Variants in HPCAL1 observed in about 807,000 individuals in gnomAD.
The protein encoded by HPCAL1 is hippocalcin-like protein 1.
Under a neutral mutation model 17.1 loss-of-function variants are expected in HPCAL1, and 8 were observed. The observed-to-expected ratio is 0.47, with a 90% CI of 0.27 to 0.84. The LOEUF (loss-of-function observed/expected upper bound fraction) is 0.84. Ranked by LOEUF, HPCAL1 falls within the 40% of genes least tolerant of loss-of-function variation. The pLI, the probability that HPCAL1 is intolerant of heterozygous loss-of-function variation, is 0.13. For synonymous variants in HPCAL1, 112 were observed against 111.4 expected (o/e 1.01, Z -0.03); for missense variants, 165 against 271.1 (o/e 0.61, Z 2.75).
chr2:10,334,771 C>T (rs922567546), intron 1 of HPCAL1, among the ~76,000 whole-genome samples: 1 of 151,216 alleles, frequency 6.6e-6, no homozygotes, highest in Admixed American at 6.6e-5. Flanking sequence ...TTGCAACTTC[C>T]ACCTCCCAGG....
chr2:10,344,251 T>C lies in HPCAL1; in HGVS notation c.-111+41074T>C, dbSNP rs1665268148. On this transcript the variant is annotated intron_variant, in intron 1 of 4. Transcript: ENST00000307845. The surrounding 1 kb of genome is among the most constrained non-coding windows in gnomAD (Gnocchi z 4.9). ...TGCTTGCTTTCCCCATAGGCATCAC[T>C]TCGACCAGCGTCTGTGTGGGGTGTG... 6.6e-6 allele frequency among the ~76,000 whole-genome samples: 1 copy of C among 152,128 alleles called. No individual in the cohort carries two copies. The highest frequency in any genetic ancestry group is 2.1e-4 in the South Asian group (1 of 4,824).
rs141933081 is a variant in HPCAL1 at position 10,390,584 on chromosome 2, C to T, written c.-110-6251C>T. Among the ~76,000 whole-genome samples, 604 of 152,190 alleles carry T rather than the reference C, an allele frequency of 4.0e-3. 10 individuals are homozygous for T. Among genetic ancestry groups the T allele is most frequent in the East Asian group, 0.036 (188 of 5,178 alleles). On this transcript the variant is annotated intron_variant, in intron 1 of 4. Coordinates refer to ENST00000307845, the MANE Select transcript of HPCAL1 (RefSeq NM_002149.4). Reference sequence around the variant, plus strand: ...TTCCTAATATATTAAAATAATTTGTCATCTCTTGAGCACACATCTGCCTGC... The same window carrying T: ...TTCCTAATATATTAAAATAATTTGTTATCTCTTGAGCACACATCTGCCTGC...
chr2:10,419,876 C>A lies in HPCAL1; in HGVS notation c.119C>A (p.Thr40Asn). The A allele has an allele frequency of 6.2e-7, 1 of 1,613,904 alleles. No individual in the cohort carries two copies. The highest frequency in any genetic ancestry group is 1.7e-5 in the Admixed American group (1 of 60,032). The change falls in exon 3 of 5, where the codon ACC (threonine) becomes AAC (asparagine). Residue 40 changes from threonine (T) to asparagine (N), a missense_variant. Thr to Asn is a moderately conservative substitution (Grantham distance 65, BLOSUM62 0). Transcript: ENST00000307845. This position sits in a 1 kb window ranked among gnomAD's most constrained non-coding sequence, Gnocchi z 5.0. ...AAGGGCTTCCTCAAGGACTGCCCCA[C>A]CGGCCACCTGACCGTGGACGAGTTC... is the stretch of plus-strand genomic sequence containing the variant. ...WYKGFLKDCP[T>N]GHLTVDEFKK...
intron 1 of HPCAL1, among the ~76,000 whole-genome samples, chr2:10,381,612 T>C (rs1667945497): frequency 9.3e-6 from 1 of 107,302 alleles, no homozygotes; most frequent in South Asian, 2.8e-4. Context: ...TCATGTCATT[T>C]GGGATCCCTG....
chr2:10,398,630 C>T (rs899693451), intron 2 of HPCAL1, among the ~76,000 whole-genome samples: 7 of 152,138 alleles, frequency 4.6e-5, no homozygotes, highest in Admixed American at 1.3e-4. Flanking sequence ...CACCAACGCA[C>T]GCACGTGGTG....
At position 10,304,448 on chromosome 2, in the gene HPCAL1, C is replaced by T. The variant is rs566661951; in HGVS notation, c.-111+1271C>T. Among the ~76,000 whole-genome samples the T allele has an allele frequency of 3.8e-4, 58 of 151,322 alleles. No homozygotes were observed. In the South Asian group the frequency reaches 0.011, roughly 30 times the overall value. On this transcript the variant is annotated intron_variant, in intron 1 of 4. Transcript: ENST00000307845. This position sits in a 1 kb window ranked among gnomAD's most constrained non-coding sequence, Gnocchi z 4.1. ...ACCAGAGGAGGATGTTTGCCAGGGA[C>T]GCCGAGTCCAGCTGCTGGCCTCGGC...
At chr2:10,370,247 C>T (rs1402161288) in intron 1 of HPCAL1, among the ~76,000 whole-genome samples, 1 of 152,260 alleles carries the variant, frequency 6.6e-6, no homozygotes, top group East Asian at 1.9e-4. Flanking sequence ...GAATTCCCGT[C>T]AGTCGTGGAG....
intron 3 of HPCAL1, 73 bp downstream of exon 3, chr2:10,420,208 G>GCT: frequency 1.4e-6 from 1 of 734,156 alleles, no homozygotes; most frequent in Non-Finnish European, 1.8e-6. Context: ...CCAGCCCAGG[G>GCT]CTTTTTTTTT....
At chr2:10,371,225 G>T (rs556409915) in intron 1 of HPCAL1, among the ~76,000 whole-genome samples, 1 of 152,322 alleles carries the variant, frequency 6.6e-6, no homozygotes, top group South Asian at 2.1e-4. Flanking sequence ...GGCCACCGGG[G>T]TTGGAGGGGA....
intron 1 of HPCAL1, among the ~76,000 whole-genome samples, chr2:10,357,179 T>C (rs906931402): frequency 3.9e-5 from 6 of 152,164 alleles, no homozygotes; most frequent in African/African-American, 1.4e-4. Flanking sequence ...TCAGGGCCTG[T>C]GCTCTCCTTT....
rs1662879930 is a variant in HPCAL1, at chr2:10,310,373, C to T, written c.-111+7196C>T. Among the ~76,000 whole-genome samples the T allele has an allele frequency of 6.6e-6, 1 of 152,188 alleles. No homozygotes were observed. Among genetic ancestry groups the T allele is most frequent in the Non-Finnish European group, 1.5e-5 (1 of 68,030 alleles). ...AGCATTCTTGGATCTAGTGCCTCCT[C>T]TGCCACTGAGTACAGAATTCCTTTT... is the stretch of plus-strand genomic sequence containing the variant. On this transcript the variant is annotated intron_variant, in intron 1 of 4. Transcript: ENST00000307845. This position sits in a 1 kb window ranked among gnomAD's most constrained non-coding sequence, Gnocchi z 4.5.
intron 4 of HPCAL1, chr2:10,423,881 A>C (rs1226659994): frequency 1.3e-5 from 2 of 152,932 alleles, no homozygotes; most frequent in Non-Finnish European, 2.9e-5. Context: ...TCACGAGGTC[A>C]GGAGATCGAG....
intron 1 of HPCAL1, among the ~76,000 whole-genome samples, chr2:10,392,857 G>C (rs562521364): frequency 5.3e-5 from 8 of 152,332 alleles, no homozygotes; most frequent in South Asian, 2.1e-4. Context: ...GCTGGGGGAG[G>C]TGGGGTCGGA....
intron 1 of HPCAL1, among the ~76,000 whole-genome samples, chr2:10,313,284 C>T (rs1403258430): frequency 6.6e-6 from 1 of 152,344 alleles, no homozygotes; most frequent in African/African-American, 2.4e-5. Context: ...TTGTCCATCT[C>T]TCCCAGGGTG....
At chr2:10,303,423 G>C (rs1335311713) in intron 1 of HPCAL1, among the ~76,000 whole-genome samples, 3 of 152,172 alleles carry the variant, frequency 2.0e-5, no homozygotes, top group Non-Finnish European at 2.9e-5. Context: ...GCACATTTTG[G>C]ACTGCGTTTG....
chr2:10,338,211 G>A (rs563717943), intron 1 of HPCAL1, among the ~76,000 whole-genome samples: 1 of 152,216 alleles, frequency 6.6e-6, no homozygotes, highest in South Asian at 2.1e-4. Flanking sequence ...TAAGGGGCAC[G>A]GGGTTTCTTC....
rs1666919075 is a variant in HPCAL1 at position 10,367,415 on chromosome 2, T to C, written c.-110-29420T>C. Among the ~76,000 whole-genome samples, 1 of 151,832 alleles carries C rather than the reference T, an allele frequency of 6.6e-6. No individual in the cohort carries two copies. The highest frequency in any genetic ancestry group is 1.5e-5 in the Non-Finnish European group (1 of 67,980). ...GATCCTCCCACCTCAGCATCCTGAATAGCTGGGACTACAGGTGTGCGCCAC... is the reference window on the plus strand; with the variant it reads ...GATCCTCCCACCTCAGCATCCTGAACAGCTGGGACTACAGGTGTGCGCCAC... On this transcript the variant is annotated intron_variant, in intron 1 of 4. Transcript: ENST00000307845. The surrounding 1 kb of genome is among the most constrained non-coding windows in gnomAD (Gnocchi z 4.4).
intron 1 of HPCAL1, among the ~76,000 whole-genome samples, chr2:10,333,401 G>A (rs1558464757): frequency 6.6e-6 from 1 of 152,114 alleles, no homozygotes; most frequent in Admixed American, 6.5e-5. Context: ...AAGTCAGGAG[G>A]CCATTCCCTC....
At chr2:10,334,555 GTA>G (rs60595562) in intron 1 of HPCAL1, among the ~76,000 whole-genome samples, 34 of 151,334 alleles carry the variant, frequency 2.2e-4, no homozygotes, top group Non-Finnish European at 2.7e-4. Context: ...CTCATAAATG[GTA>G]TATATATATA....
Sources: allele counts gnomAD v4.1 joint callset (sites outside exome capture counted in the v4.1 genomes callset), GRCh38; gene constraint gnomAD v4.1.1; non-coding constraint Gnocchi (gnomAD v3.1); transcripts MANE v1.5; gene names NCBI Gene and HGNC (gene_info 2026-07-23, HGNC 2026-07-21).